Variants in CMIP observed in about 807,000 individuals in gnomAD.
CMIP encodes c-Maf inducing protein.
A neutral mutation model predicts 97.3 loss-of-function variants in CMIP; 13 were observed. The ratio of observed to expected loss-of-function variants is 0.13; its 90% CI spans 0.09 to 0.21. CMIP has a LOEUF of 0.21. Ranked by LOEUF, CMIP falls within the 10% of genes least tolerant of loss-of-function variation. The probability of loss-of-function intolerance (pLI) is 1.00; values close to 1 mark genes in which losing one functional copy is unlikely to be tolerated. For synonymous variants in CMIP, 538 were observed against 436.3 expected (o/e 1.23, Z -2.91); for missense variants, 847 against 1,024.9 (o/e 0.83, Z 2.37).
At chr16:81,588,739 G>C (rs1353298510) in intron 1 of CMIP, among the ~76,000 whole-genome samples, 1 of 152,208 alleles carries the variant, frequency 6.6e-6, no homozygotes, top group East Asian at 1.9e-4. Context: ...TGTGAAAGCC[G>C]GTGTGCTGTT....
intron 1 of CMIP, among the ~76,000 whole-genome samples, chr16:81,458,678 C>G (rs1906711314): frequency 6.6e-6 from 1 of 152,168 alleles, no homozygotes; most frequent in African/African-American, 2.4e-5. Context: ...GTCAGTCCTT[C>G]CCTAAAACAG....
chr16:81,662,870 T>C (rs1252418820), intron 6 of CMIP, among the ~76,000 whole-genome samples: 2 of 152,164 alleles, frequency 1.3e-5, no homozygotes, highest in Non-Finnish European at 2.9e-5. Flanking sequence ...CACAGAATTT[T>C]CAACACCCTG....
rs2092093467 is a variant in CMIP at position 81,627,718 on chromosome 16, AGTGGATAAAGGAT to A, written c.477+6794_477+6806del. Among the ~76,000 whole-genome samples, 1 of 152,142 alleles carries A rather than the reference AGTGGATAAAGGAT, an allele frequency of 6.6e-6. No homozygotes were observed. Among genetic ancestry groups the A allele is most frequent in the African/African-American group, 2.4e-5 (1 of 41,414 alleles). On this transcript the variant is annotated intron_variant, in intron 3 of 20. Transcript: ENST00000537098. This position sits in a 1 kb window ranked among gnomAD's most constrained non-coding sequence, Gnocchi z 4.6. ...CATAGCAGAGGGGACTGAGCGTCCA[AGTGGATAAAGGAT>A]GAGGATAAAGGACCGTGCCAAAGCC... is the stretch of plus-strand genomic sequence containing the variant.
chr16:81,450,487 A>T (rs143609815), intron 1 of CMIP, among the ~76,000 whole-genome samples: 2 of 152,244 alleles, frequency 1.3e-5, no homozygotes, highest in African/African-American at 4.8e-5. Context: ...ATTGGAGAGG[A>T]TAGATAAGCA....
intron 1 of CMIP, chr16:81,495,594 A>T: frequency 7.9e-7 from 1 of 1,273,482 alleles, no homozygotes; most frequent in Non-Finnish European, 1.1e-6. Context: ...TCACAGACCC[A>T]CTTCTCAGAG....
rs568428200 is a variant in CMIP at position 81,524,204 on chromosome 16, T to C, written c.300+78663T>C. Among the ~76,000 whole-genome samples the C allele has an allele frequency of 3.3e-5, 5 of 152,316 alleles. No homozygotes were observed. The South Asian group carries it at 1.0e-3, about 32-fold the overall frequency. On this transcript the variant is annotated intron_variant, in intron 1 of 20. Transcript: ENST00000537098. ...CCATTGCTTATAAAGGAAGCCAGTA[T>C]TGGGGTCAGACAGAGCTGGATTCTC... is the stretch of plus-strand genomic sequence containing the variant.
chr16:81,515,625 C>T (rs2089897868), intron 1 of CMIP, among the ~76,000 whole-genome samples: 1 of 152,144 alleles, frequency 6.6e-6, no homozygotes, highest in East Asian at 1.9e-4. Flanking sequence ...TGAAGCATCA[C>T]CGGCTTTATT....
chr16:81,596,962 C>A, intron 1 of CMIP, among the ~76,000 whole-genome samples: 1 of 152,210 alleles, frequency 6.6e-6, no homozygotes, highest in African/African-American at 2.4e-5. Context: ...TTGTGTAGGT[C>A]ATCTATGTGT....
chr16:81,675,837 G>C (rs1008666425), intron 9 of CMIP, among the ~76,000 whole-genome samples: 5 of 152,204 alleles, frequency 3.3e-5, no homozygotes, highest in African/African-American at 1.2e-4. Context: ...GAGTTAAAAT[G>C]CAGATTTGGA....
chr16:81,501,864 G>A (rs1045670330), intron 1 of CMIP, among the ~76,000 whole-genome samples: 2 of 152,076 alleles, frequency 1.3e-5, no homozygotes, highest in Admixed American at 6.5e-5. Flanking sequence ...CGCCCACCTC[G>A]GCCTCCCAAA....
chr16:81,542,572 C>G (rs2090468398), intron 1 of CMIP, among the ~76,000 whole-genome samples: 2 of 152,152 alleles, frequency 1.3e-5, no homozygotes, highest in African/African-American at 4.8e-5. Flanking sequence ...CATAACAAAA[C>G]ACCATAGACT....
chr16:81,609,101 G>A (rs2091788934), intron 2 of CMIP, among the ~76,000 whole-genome samples: 2 of 152,210 alleles, frequency 1.3e-5, no homozygotes, highest in Admixed American at 1.3e-4. Flanking sequence ...GCCCCAGTCT[G>A]CTTTCTTCTT....
At chr16:81,575,800 G>C (rs1597106352) in intron 1 of CMIP, among the ~76,000 whole-genome samples, 1 of 152,178 alleles carries the variant, frequency 6.6e-6, no homozygotes. Context: ...CTGATGATGT[G>C]TGTGAGTAGG....
rs191080252 is a variant in CMIP at position 81,664,722 on chromosome 16, A to T, written c.825+373A>T. 17 of 433,874 alleles carry T rather than the reference A, an allele frequency of 3.9e-5. No individual in the cohort carries two copies. In the Admixed American group the frequency reaches 6.6e-4, roughly 17 times the overall value. 26.9% of individuals were successfully genotyped at this position (433,874 alleles called of 1,614,324 possible). A position where few individuals can be genotyped will look rare whatever the true frequency, so the allele number is the denominator to read the frequency against. On this transcript the variant is annotated intron_variant, in intron 7 of 20. Coordinates refer to ENST00000537098, the MANE Select transcript of CMIP (RefSeq NM_198390.3). Reference sequence around the variant, plus strand: ...GCACAGCGAGGTCCTTCCAGAGAGCACTGTATGGAAGGGGGCAGGAGTAGC... The same window carrying T: ...GCACAGCGAGGTCCTTCCAGAGAGCTCTGTATGGAAGGGGGCAGGAGTAGC...
chr16:81,484,953 CTT>C (rs148346622), intron 1 of CMIP, among the ~76,000 whole-genome samples: 1 of 151,424 alleles, frequency 6.6e-6, no homozygotes, highest in Non-Finnish European at 1.5e-5. Context: ...CTGAAAACCT[CTT>C]TTTTTTTCTG....
At chr16:81,462,593 T>C (rs1243237506) in intron 1 of CMIP, among the ~76,000 whole-genome samples, 1 of 152,260 alleles carries the variant, frequency 6.6e-6, no homozygotes, top group Non-Finnish European at 1.5e-5. Flanking sequence ...GGCTGGTCCC[T>C]GCAGCGTTTT....
At chr16:81,585,132 A>T (rs1030845868) in intron 1 of CMIP, among the ~76,000 whole-genome samples, 1 of 152,192 alleles carries the variant, frequency 6.6e-6, no homozygotes, top group African/African-American at 2.4e-5. Flanking sequence ...ACTTGAGTTC[A>T]GGTGTTTGAG....
At chr16:81,456,577 C>T (rs974542297) in intron 1 of CMIP, among the ~76,000 whole-genome samples, 1 of 151,454 alleles carries the variant, frequency 6.6e-6, no homozygotes, top group Non-Finnish European at 1.5e-5. Flanking sequence ...CTAATCCTCA[C>T]GATGCCCCTG....
At chr16:81,605,339 A>C (rs1012978393) in intron 1 of CMIP, among the ~76,000 whole-genome samples, 18 of 152,224 alleles carry the variant, frequency 1.2e-4, no homozygotes, top group Non-Finnish European at 2.4e-4. Context: ...AGTGGTGGAA[A>C]GGACAGGATG....
Sources: allele counts gnomAD v4.1 joint callset (sites outside exome capture counted in the v4.1 genomes callset), GRCh38; gene constraint gnomAD v4.1.1; non-coding constraint Gnocchi (gnomAD v3.1); transcripts MANE v1.5; gene names NCBI Gene and HGNC (gene_info 2026-07-23, HGNC 2026-07-21).